Variants in RAP2A observed in about 807,000 individuals in gnomAD.
RAP2A encodes ras-related protein Rap-2a.
In RAP2A, 5 loss-of-function variants were observed where a neutral mutation model predicts 15.1. The ratio of observed to expected loss-of-function variants is 0.33; its 90% CI spans 0.17 to 0.70. RAP2A has a LOEUF of 0.70. RAP2A is among the 30% of genes least tolerant of loss of function. RAP2A has a pLI of 0.68. For missense variants in RAP2A, 111 were observed against 240.3 expected (o/e 0.46, Z 3.56); for synonymous variants, 110 against 99.7 (o/e 1.10, Z -0.62).
chr13:97,436,022 A>G (rs898705024), intron 1 of RAP2A: 1 of 152,172 alleles, frequency 6.6e-6, no homozygotes, highest in Non-Finnish European at 1.5e-5. Context: ...TTTTAATGCA[A>G]CCTATGAGAT....
Position 97,453,352 on chromosome 13 carries a change from T to A in RAP2A, c.315-10853T>A, listed in dbSNP as rs760893226. Among the ~76,000 whole-genome samples, 21 of 151,248 alleles carry A rather than the reference T, an allele frequency of 1.4e-4. 1 individual carries two copies. The highest frequency in any genetic ancestry group is 2.5e-4 in the Non-Finnish European group (17 of 67,780). On this transcript the variant is annotated intron_variant, in intron 1 of 1. Transcript: ENST00000245304. ...AGGATCTCTCGGGTTGCCCTTATAG[T>A]CACACTTACTCCCCTCCTTCCTTCC...
intron 1 of RAP2A, among the ~76,000 whole-genome samples, chr13:97,459,315 C>G (rs1285642320): frequency 6.6e-6 from 1 of 151,894 alleles, no homozygotes. Context: ...AAAATGAAGG[C>G]AACCTGCAAA....
chr13:97,440,371 A>T (rs2066652203), intron 1 of RAP2A, among the ~76,000 whole-genome samples: 1 of 152,162 alleles, frequency 6.6e-6, no homozygotes, highest in Non-Finnish European at 1.5e-5. Context: ...GGGTATGAAG[A>T]TAAGGACTGA....
rs2066639868 is a variant in RAP2A, at chr13:97,437,595, A to G, written c.314+2811A>G. On this transcript the variant is annotated intron_variant, in intron 1 of 1. Transcript: ENST00000245304. ...CTTCCTTAAATGTTACCCTTGATAT[A>G]AATGTAATTTTAGAAGAAATAAATT... 4 of 152,252 alleles carry G rather than the reference A, an allele frequency of 2.6e-5. No homozygotes were observed. The South Asian group carries it at 8.3e-4, about 31-fold the overall frequency. 9.4% of individuals were successfully genotyped at this position (152,252 alleles called of 1,614,324 possible).
intron 1 of RAP2A, among the ~76,000 whole-genome samples, chr13:97,452,310 G>C (rs2066705199): frequency 1.3e-5 from 2 of 150,990 alleles, no homozygotes; most frequent in African/African-American, 4.9e-5. Flanking sequence ...TGTGAGATAG[G>C]GGGTCAGGGG....
Position 97,466,448 on chromosome 13 carries a change from T to A in RAP2A, c.*2006T>A, listed in dbSNP as rs1400910146. 2 of 152,204 alleles carry A rather than the reference T, an allele frequency of 1.3e-5. No individual in the cohort carries two copies. Among genetic ancestry groups the A allele is most frequent in the Non-Finnish European group, 2.9e-5 (2 of 68,030 alleles). The allele number at this position is 152,204 out of a possible 1,614,324, so 9.4% of individuals were successfully genotyped here. A position where few individuals can be genotyped will look rare whatever the true frequency, so the allele number is the denominator to read the frequency against. ...GGTTTGATTCAAACATGTAGAGAAG[T>A]TGTAGATTCAAGATATATGATTTCT... On this transcript the variant is annotated 3_prime_UTR_variant, in exon 2 of 2. Coordinates refer to ENST00000245304, the MANE Select transcript of RAP2A (RefSeq NM_021033.7).
intron 1 of RAP2A, among the ~76,000 whole-genome samples, chr13:97,450,554 A>T: frequency 6.6e-6 from 1 of 152,118 alleles, no homozygotes; most frequent in East Asian, 1.9e-4. Flanking sequence ...TTTAAATGAC[A>T]TATTTTTTAT....
Position 97,434,459 on chromosome 13 carries a change from C to T in RAP2A, c.-12C>T. The T allele has an allele frequency of 6.3e-7, 1 of 1,577,462 alleles. No individual in the cohort carries two copies. Among genetic ancestry groups the T allele is most frequent in the South Asian group, 1.2e-5 (1 of 86,696 alleles). ...CGCGGGCGGCGGCGGCGGCGGCGGC[C>T]GCGGAGGGACGATGCGCGAGTACAA... On this transcript the variant is annotated 5_prime_UTR_variant, in exon 1 of 2. Coordinates refer to ENST00000245304, the MANE Select transcript of RAP2A (RefSeq NM_021033.7).
Position 97,451,881 on chromosome 13 carries a change from T to C in RAP2A, c.315-12324T>C, listed in dbSNP as rs555328410. Among the ~76,000 whole-genome samples, 45 of 151,616 alleles carry C rather than the reference T, an allele frequency of 3.0e-4. 1 individual carries two copies. Among genetic ancestry groups the C allele is most frequent in the Middle Eastern group, 3.4e-3 (1 of 294 alleles). On this transcript the variant is annotated intron_variant, in intron 1 of 1. Transcript: ENST00000245304. ...GATTTTTATCTTTGTTTTCTTGGTGTATAATGATGTGGAGTACCTTTTCAT... is the reference window on the plus strand; with the variant it reads ...GATTTTTATCTTTGTTTTCTTGGTGCATAATGATGTGGAGTACCTTTTCAT...
At chr13:97,443,233 T>C (rs9300411) in intron 1 of RAP2A, among the ~76,000 whole-genome samples, 3,981 of 152,298 alleles carry the variant, frequency 0.026, 68 homozygotes, top group South Asian at 0.039. Context: ...AAGAGAAACA[T>C]TGAAAAACCT....
At chr13:97,444,772 T>G (rs2066672855) in intron 1 of RAP2A, among the ~76,000 whole-genome samples, 1 of 152,228 alleles carries the variant, frequency 6.6e-6, no homozygotes, top group Non-Finnish European at 1.5e-5. Flanking sequence ...CTAAGGAAGT[T>G]TTTATTCATT....
intron 1 of RAP2A, among the ~76,000 whole-genome samples, chr13:97,440,867 C>T (rs2066654855): frequency 6.6e-6 from 1 of 152,130 alleles, no homozygotes; most frequent in Non-Finnish European, 1.5e-5. Flanking sequence ...GTTCTGTCTT[C>T]TTAGCAAATG....
At chr13:97,443,330 C>A (rs748630189) in intron 1 of RAP2A, among the ~76,000 whole-genome samples, 6 of 152,130 alleles carry the variant, frequency 3.9e-5, no homozygotes, top group Admixed American at 1.3e-4. Flanking sequence ...ATTAATAATT[C>A]AATGCATATT....
rs779101300 is a variant in RAP2A, at chr13:97,467,136, A to G, written c.*2694A>G. On this transcript the variant is annotated 3_prime_UTR_variant, in exon 2 of 2. Transcript: ENST00000245304. ...ACCCACTTTTTCTTTAGCTCTTGTG[A>G]TAAGATTTTCTTTTTTTTACTTTTA... 7 of 152,584 alleles carry G rather than the reference A, an allele frequency of 4.6e-5. No homozygotes were observed. Among genetic ancestry groups the G allele is most frequent in the Non-Finnish European group, 7.3e-5 (5 of 68,034 alleles). 9.5% of individuals were successfully genotyped at this position (152,584 alleles called of 1,614,324 possible).
intron 1 of RAP2A, among the ~76,000 whole-genome samples, chr13:97,462,334 C>T (rs1287317716): frequency 1.3e-5 from 2 of 152,050 alleles, no homozygotes; most frequent in African/African-American, 4.8e-5. Flanking sequence ...AAATTGGAAG[C>T]TGACATTGTC....
intron 1 of RAP2A, among the ~76,000 whole-genome samples, chr13:97,456,581 C>T (rs2066724039): frequency 6.6e-6 from 1 of 152,056 alleles, no homozygotes; most frequent in African/African-American, 2.4e-5. Flanking sequence ...TCCAGTGGTC[C>T]AATGATTGTG....
In RAP2A at chr13:97,442,498, G is replaced by T. The variant is rs1260703579; in HGVS notation, c.314+7714G>T. Among the ~76,000 whole-genome samples the T allele has an allele frequency of 3.9e-5, 6 of 152,008 alleles. No individual in the cohort carries two copies. The East Asian group carries it at 9.7e-4, about 24-fold the overall frequency. On this transcript the variant is annotated intron_variant, in intron 1 of 1. Transcript: ENST00000245304. ...GGGGATTTCACATTTTCTTAACCAG[G>T]GCCCTCAGTAAGAAGTACATTTTAT...
chr13:97,444,253 G>A (rs1054905392), intron 1 of RAP2A, among the ~76,000 whole-genome samples: 4 of 151,920 alleles, frequency 2.6e-5, no homozygotes, highest in Non-Finnish European at 4.4e-5. Context: ...AAATGGTGGC[G>A]GTAAATTTTT....
intron 1 of RAP2A, among the ~76,000 whole-genome samples, chr13:97,446,967 C>T (rs1938962894): frequency 6.6e-6 from 1 of 152,150 alleles, no homozygotes; most frequent in Non-Finnish European, 1.5e-5. Context: ...TAGTTTTATG[C>T]AGCAGTAGTT....
Sources: allele counts gnomAD v4.1 joint callset (sites outside exome capture counted in the v4.1 genomes callset), GRCh38; gene constraint gnomAD v4.1.1; transcripts MANE v1.5; gene names NCBI Gene and HGNC (gene_info 2026-07-23, HGNC 2026-07-21).